KRABD3: variants seen among roughly 807,000 people sequenced by gnomAD.
KRABD3 encodes KRAB domain containing 3, also known as KRAB domain-containing protein 3.
the KRABD3 span, chr7:149,733,063 C>T: frequency 5.2e-6 from 5 of 964,002 alleles, no homozygotes; most frequent in Non-Finnish European, 7.7e-6. Flanking sequence ...TCTGCGTTCT[C>T]AGGCCTCACC....
At chr7:149,730,104 C>G in the KRABD3 span, 1 of 1,452,346 alleles carries the variant, frequency 6.9e-7, no homozygotes, top group Non-Finnish European at 9.1e-7. Flanking sequence ...AGACCTGGCT[C>G]TCTTCAGGCT....
At chr7:149,730,683 G>C in the KRABD3 span, 2 of 1,309,662 alleles carry the variant, frequency 1.5e-6, no homozygotes, top group African/African-American at 2.9e-5. Flanking sequence ...AGGGAGTCCT[G>C]CACATTGGCC....
the KRABD3 span, chr7:149,733,823 C>T: frequency 6.2e-7 from 1 of 1,604,140 alleles, no homozygotes; most frequent in Non-Finnish European, 8.5e-7. Context: ...TACCGGGGGC[C>T]ACCAGAGCCC....
the KRABD3 span, chr7:149,721,344 T>C: frequency 6.4e-7 from 1 of 1,553,854 alleles, no homozygotes; most frequent in Non-Finnish European, 8.7e-7. Context: ...GTTAGGGGCA[T>C]CTTACCAGTT....
At chr7:149,729,036 G>A in the KRABD3 span, among the ~76,000 whole-genome samples, 1 of 152,222 alleles carries the variant, frequency 6.6e-6, no homozygotes, top group African/African-American at 2.4e-5. Flanking sequence ...GGGTTCAGGC[G>A]CTCCCTGGAA....
chr7:149,729,253 A>G, the KRABD3 span: 1 of 1,603,272 alleles, frequency 6.2e-7, no homozygotes, highest in South Asian at 1.1e-5. Context: ...GCCCACCCGG[A>G]GCCTCCATCT....
the KRABD3 span, among the ~76,000 whole-genome samples, chr7:149,718,177 T>C: frequency 3.3e-5 from 5 of 152,098 alleles, no homozygotes; most frequent in Admixed American, 3.3e-4. Context: ...GAGACCAATG[T>C]GGGAGAACCA....
the KRABD3 span, among the ~76,000 whole-genome samples, chr7:149,715,616 C>G: frequency 6.6e-6 from 1 of 152,144 alleles, no homozygotes; most frequent in African/African-American, 2.4e-5. Context: ...GGTGCTGATA[C>G]CAGCAACTGC....
the KRABD3 span, chr7:149,720,021 G>T: frequency 2.6e-6 from 4 of 1,548,152 alleles, no homozygotes; most frequent in Non-Finnish European, 3.5e-6. Context: ...CAGCTGAGCT[G>T]CTCCCCCTCT....
chr7:149,724,383 A>G, the KRABD3 span, among the ~76,000 whole-genome samples: 1 of 152,154 alleles, frequency 6.6e-6, no homozygotes, highest in South Asian at 2.1e-4. Context: ...TGTGCTGGCC[A>G]TGGAGAAAGA....
the KRABD3 span, chr7:149,725,474 G>A: frequency 3.6e-5 from 58 of 1,608,622 alleles, no homozygotes; most frequent in South Asian, 6.0e-4. Context: ...CAACCCCACA[G>A]ATCACACAGT....
the KRABD3 span, chr7:149,720,954 G>C: frequency 6.2e-7 from 1 of 1,613,784 alleles, no homozygotes; most frequent in Non-Finnish European, 8.5e-7. Context: ...CGAGAGCCGG[G>C]GAGCCAGCCT....
At chr7:149,726,589 C>T in the KRABD3 span, among the ~76,000 whole-genome samples, 4 of 152,076 alleles carry the variant, frequency 2.6e-5, no homozygotes, top group Non-Finnish European at 4.4e-5. Context: ...AGGTGTCCGC[C>T]ACCGTGCCCA....
chr7:149,723,873 G>C, the KRABD3 span: 4 of 1,613,582 alleles, frequency 2.5e-6, no homozygotes, highest in Non-Finnish European at 2.5e-6. Flanking sequence ...CAGGAGCCTG[G>C]AAAAGGGGTT....
chr7:149,715,395 G>A, the KRABD3 span: 2 of 1,097,034 alleles, frequency 1.8e-6, no homozygotes, highest in Non-Finnish European at 2.2e-6. Flanking sequence ...CCTGGATCCC[G>A]GGGGCTGGGG....
the KRABD3 span, chr7:149,714,961 G>T: frequency 5.6e-6 from 6 of 1,076,722 alleles, no homozygotes; most frequent in Middle Eastern, 3.6e-4. Context: ...GCCTTCTCCT[G>T]CGCGGACCTG....
the KRABD3 span, chr7:149,731,772 T>G: frequency 6.2e-7 from 1 of 1,608,108 alleles, no homozygotes; most frequent in Non-Finnish European, 8.5e-7. Context: ...GACCCAGAGT[T>G]GCAGGTGAAC....
chr7:149,729,161 A>T, the KRABD3 span: 1 of 1,454,224 alleles, frequency 6.9e-7, no homozygotes, highest in Non-Finnish European at 9.1e-7. Context: ...TGGGGCTGAC[A>T]GGCCTTCTGA....
At chr7:149,729,701 G>A in the KRABD3 span, 8 of 985,348 alleles carry the variant, frequency 8.1e-6, no homozygotes, top group East Asian at 8.0e-4. Flanking sequence ...TCTGCTGCAG[G>A]GCCTGCTGGG....
Sources: allele counts gnomAD v4.1 joint callset (sites outside exome capture counted in the v4.1 genomes callset), GRCh38; gene constraint gnomAD v4.1.1; transcripts MANE v1.5; gene names NCBI Gene and HGNC (gene_info 2026-07-23, HGNC 2026-07-21).